The following RBFOX1 variants were observed in gnomAD, a reference collection of about 807,000 sequenced individuals.
RBFOX1 encodes RNA binding protein fox-1 homolog 1.
Under a neutral mutation model 57.7 loss-of-function variants are expected in RBFOX1, and 8 were observed. The ratio of observed to expected loss-of-function variants is 0.14; its 90% CI spans 0.08 to 0.25. RBFOX1 has a LOEUF of 0.25. Ranked by LOEUF, RBFOX1 falls within the 10% of genes least tolerant of loss-of-function variation. The pLI, the probability that RBFOX1 is intolerant of heterozygous loss-of-function variation, is 1.00. For missense variants in RBFOX1, 611 were observed against 548.5 expected (o/e 1.11, Z -1.14); for synonymous variants, 326 against 222.4 (o/e 1.47, Z -4.15).
At chr16:7,065,873 C>T (rs904515681) in intron 4 of RBFOX1, among the ~76,000 whole-genome samples, 7 of 152,076 alleles carry the variant, frequency 4.6e-5, no homozygotes, top group East Asian at 1.9e-4. Context: ...TTTTTTTAGA[C>T]GCTACATGGA....
chr16:6,535,997 C>A (rs1277907100), intron 2 of RBFOX1, among the ~76,000 whole-genome samples: 3 of 152,192 alleles, frequency 2.0e-5, no homozygotes, highest in African/African-American at 7.2e-5. Flanking sequence ...ATATATCTAT[C>A]TCTAGGCTAT....
chr16:6,498,342 G>C (rs538248749), intron 2 of RBFOX1, among the ~76,000 whole-genome samples: 1 of 152,042 alleles, frequency 6.6e-6, no homozygotes, highest in South Asian at 2.1e-4. Flanking sequence ...AGAGACTTAT[G>C]AGCAGAAATA....
At chr16:7,564,127 G>A (rs377202758) in intron 5 of RBFOX1, among the ~76,000 whole-genome samples, 6 of 152,102 alleles carry the variant, frequency 3.9e-5, no homozygotes, top group African/African-American at 1.4e-4. Flanking sequence ...TGGAAATGGG[G>A]ACTTTGGAAG....
chr16:5,390,515 C>T (rs1485036461), intron 1 of RBFOX1, among the ~76,000 whole-genome samples: 1 of 152,094 alleles, frequency 6.6e-6, no homozygotes, highest in Non-Finnish European at 1.5e-5. Flanking sequence ...TCTCGAAGTC[C>T]TGACCTCAAG....
chr16:5,510,345 G>C (rs967890032), intron 2 of RBFOX1, among the ~76,000 whole-genome samples: 1 of 152,324 alleles, frequency 6.6e-6, no homozygotes, highest in East Asian at 1.9e-4. Context: ...TGTAGGTCAG[G>C]GGGTCTGCCT....
intron 3 of RBFOX1, among the ~76,000 whole-genome samples, chr16:5,847,195 C>G (rs1003934880): frequency 2.2e-4 from 34 of 152,096 alleles, no homozygotes; most frequent in Admixed American, 5.9e-4. Flanking sequence ...ACATGACTCT[C>G]AGGTAGGAAA....
At chr16:5,920,015 G>C (rs1306084990) in intron 4 of RBFOX1, among the ~76,000 whole-genome samples, 1 of 152,084 alleles carries the variant, frequency 6.6e-6, no homozygotes, top group Non-Finnish European at 1.5e-5. Flanking sequence ...CTCACTGCAA[G>C]CTCCGCCTCC....
chr16:6,124,026 G>A (rs1432524092), intron 1 of RBFOX1, among the ~76,000 whole-genome samples: 2 of 152,200 alleles, frequency 1.3e-5, no homozygotes. Context: ...TTCCCTTCAT[G>A]GGGGGCTCAT....
chr16:7,405,984 A>G (rs970429273), intron 4 of RBFOX1, among the ~76,000 whole-genome samples: 4 of 152,118 alleles, frequency 2.6e-5, no homozygotes, highest in African/African-American at 9.7e-5. Context: ...GTAGAGCCTG[A>G]GATGCTGCAA....
chr16:6,599,352 A>C (rs2154003380), intron 2 of RBFOX1, among the ~76,000 whole-genome samples: 1 of 152,264 alleles, frequency 6.6e-6, no homozygotes, highest in South Asian at 2.1e-4. Context: ...CGTTTTGGGG[A>C]AATTGTGACC....
chr16:7,276,055 G>T (rs939357764), intron 4 of RBFOX1, among the ~76,000 whole-genome samples: 2 of 152,286 alleles, frequency 1.3e-5, no homozygotes, highest in Admixed American at 1.3e-4. Flanking sequence ...GATTGAAAAG[G>T]CAATAAAGAA....
At chr16:6,466,543 C>A (rs1015494561) in intron 2 of RBFOX1, among the ~76,000 whole-genome samples, 1 of 152,158 alleles carries the variant, frequency 6.6e-6, no homozygotes, top group African/African-American at 2.4e-5. Flanking sequence ...TGAATTCAAT[C>A]TGATGCTTGC....
intron 1 of RBFOX1, among the ~76,000 whole-genome samples, chr16:5,339,584 G>T (rs2064989910): frequency 6.8e-6 from 1 of 146,316 alleles, no homozygotes; most frequent in Non-Finnish European, 1.5e-5. Flanking sequence ...TCGGGTTCAG[G>T]TGATTCTCCT....
intron 2 of RBFOX1, among the ~76,000 whole-genome samples, chr16:6,573,104 C>G (rs2097368387): frequency 1.3e-5 from 2 of 152,146 alleles, no homozygotes; most frequent in African/African-American, 2.4e-5. Context: ...AGACCCTAGA[C>G]CATGGGCACT....
At chr16:6,327,822 A>T (rs139725186) in intron 2 of RBFOX1, among the ~76,000 whole-genome samples, 189 of 152,268 alleles carry the variant, frequency 1.2e-3, no homozygotes, top group African/African-American at 4.1e-3. Flanking sequence ...TTATTTCTTG[A>T]CAAAGGTTAG....
intron 3 of RBFOX1, among the ~76,000 whole-genome samples, chr16:5,631,450 G>A (rs751428274): frequency 4.0e-5 from 6 of 151,808 alleles, no homozygotes; most frequent in African/African-American, 9.7e-5. Context: ...CCAGCTACTC[G>A]GGAGGCTGAG....
intron 14 of RBFOX1, among the ~76,000 whole-genome samples, chr16:7,700,274 G>A (rs775025310): frequency 6.6e-6 from 1 of 152,116 alleles, no homozygotes; most frequent in Non-Finnish European, 1.5e-5. Flanking sequence ...CACTTGTTTA[G>A]TCCTTAACTA....
chr16:6,339,398 T>C (rs1180754038), intron 2 of RBFOX1, among the ~76,000 whole-genome samples: 1 of 152,186 alleles, frequency 6.6e-6, no homozygotes, highest in African/African-American at 2.4e-5. Context: ...GGTTTAATTA[T>C]GGGGCTGCTG....
intron 2 of RBFOX1, among the ~76,000 whole-genome samples, chr16:5,511,182 A>T (rs986053577): frequency 7.9e-5 from 12 of 152,332 alleles, no homozygotes; most frequent in African/African-American, 2.9e-4. Context: ...GCAAGAACAG[A>T]CTAGTGATTC....
Sources: allele counts gnomAD v4.1 joint callset (sites outside exome capture counted in the v4.1 genomes callset), GRCh38; gene constraint gnomAD v4.1.1; transcripts MANE v1.5; gene names NCBI Gene and HGNC (gene_info 2026-07-23, HGNC 2026-07-21).